Variants in DGKI observed in about 807,000 individuals in gnomAD.
The protein encoded by DGKI is DAG kinase iota.
Under a neutral mutation model 147.5 loss-of-function variants are expected in DGKI, and 55 were observed. The ratio of observed to expected loss-of-function variants is 0.37; its 90% CI spans 0.30 to 0.47. The LOEUF (loss-of-function observed/expected upper bound fraction) is 0.47, where lower values mean the gene tolerates loss of function less well. Ranked by LOEUF, DGKI falls within the 20% of genes least tolerant of loss-of-function variation. The probability of loss-of-function intolerance (pLI) is 1.00; values close to 1 mark genes in which losing one functional copy is unlikely to be tolerated. For missense variants in DGKI, 1,007 were observed against 1,323.8 expected (o/e 0.76, Z 3.71); for synonymous variants, 469 against 477.1 (o/e 0.98, Z 0.22).
rs544318956 is a variant in DGKI at position 137,824,382 on chromosome 7, G to A, written c.401+22080C>T. The stretch of plus-strand genomic sequence containing the variant: ...AAATACAAAATTAGCTGGGCATGGT[G>A]GCACATGTCTGTAATCCCAACTACT... On this transcript the variant is annotated intron_variant, in intron 1 of 32. Coordinates refer to ENST00000614521, the MANE Select transcript of DGKI (RefSeq NM_001321708.2). 1.1e-4 allele frequency among the ~76,000 whole-genome samples: 16 copies of A among 152,130 alleles called. No homozygotes were observed. The East Asian group carries it at 3.1e-3, about 29-fold the overall frequency.
rs369687506 is a variant in DGKI, at chr7:137,384,948, G to A, written c.*6272C>T. ...GTAGGACCTCCCTTGTGGTTGCCAC[G>A]CTGGTGGCAGAAGCCAAAGAGTTTT... On this transcript the variant is annotated 3_prime_UTR_variant, in exon 33 of 33. Transcript: ENST00000614521. 2.0e-5 allele frequency: 3 copies of A among 152,126 alleles called. No homozygotes were observed. Among genetic ancestry groups the A allele is most frequent in the South Asian group, 2.1e-4 (1 of 4,820 alleles). 9.4% of individuals were successfully genotyped at this position (152,126 alleles called of 1,614,324 possible). A position where few individuals can be genotyped will look rare whatever the true frequency, so the allele number is the denominator to read the frequency against.
At chr7:137,834,636 G>A (rs562731293) in intron 1 of DGKI, among the ~76,000 whole-genome samples, 1 of 152,302 alleles carries the variant, frequency 6.6e-6, no homozygotes, top group African/African-American at 2.4e-5. Flanking sequence ...GAGGGGAATG[G>A]TGAGGAGCAG....
intron 20 of DGKI, among the ~76,000 whole-genome samples, chr7:137,550,051 A>G (rs1817992603): frequency 6.6e-6 from 1 of 152,202 alleles, no homozygotes; most frequent in South Asian, 2.1e-4. Context: ...AAATTATACT[A>G]TTATTCCCAT....
At chr7:137,632,669 C>T (rs189541906) in intron 6 of DGKI, among the ~76,000 whole-genome samples, 189 of 151,678 alleles carry the variant, frequency 1.2e-3, no homozygotes, top group Middle Eastern at 6.8e-3. Context: ...CCATCCTGGC[C>T]AACATGGTGA....
At chr7:137,531,953 G>C (rs1484865495) in intron 20 of DGKI, among the ~76,000 whole-genome samples, 1 of 151,632 alleles carries the variant, frequency 6.6e-6, no homozygotes, top group Non-Finnish European at 1.5e-5. Context: ...GTGTCTATGT[G>C]TAACTTTAAA....
At chr7:137,706,636 A>T (rs2116539752) in intron 1 of DGKI, among the ~76,000 whole-genome samples, 1 of 149,386 alleles carries the variant, frequency 6.7e-6, no homozygotes, top group East Asian at 2.0e-4. Context: ...GCAATGGTGC[A>T]ATTTTGGATC....
At chr7:137,418,262 T>TA (rs1812432562) in intron 28 of DGKI, among the ~76,000 whole-genome samples, 2 of 152,152 alleles carry the variant, frequency 1.3e-5, no homozygotes, top group Non-Finnish European at 2.9e-5. Flanking sequence ...GTGGAAAAAT[T>TA]TAAAAAGCAG....
intron 26 of DGKI, 21 bp downstream of exon 26, chr7:137,465,887 G>C (rs771444146): frequency 1.7e-5 from 28 of 1,611,952 alleles, no homozygotes; most frequent in Non-Finnish European, 2.3e-5. Flanking sequence ...CAGCCTCACA[G>C]GCCAGGAGAA....
At chr7:137,618,536 C>T (rs980778947) in intron 8 of DGKI, among the ~76,000 whole-genome samples, 1 of 151,640 alleles carries the variant, frequency 6.6e-6, no homozygotes, top group Non-Finnish European at 1.5e-5. Flanking sequence ...TGCCTATTAG[C>T]CTTCCTGATA....
chr7:137,600,938 A>C (rs193230427), intron 10 of DGKI, among the ~76,000 whole-genome samples: 30 of 152,314 alleles, frequency 2.0e-4, no homozygotes, highest in African/African-American at 7.2e-4. Flanking sequence ...ACATAAGGTC[A>C]CTTTAGAGAT....
At chr7:137,672,163 G>A (rs1585353581) in intron 3 of DGKI, among the ~76,000 whole-genome samples, 1 of 152,216 alleles carries the variant, frequency 6.6e-6, no homozygotes. Flanking sequence ...CAAGCCTGCT[G>A]TAGACGCACC....
At chr7:137,844,498 T>C (rs1798653153) in intron 1 of DGKI, among the ~76,000 whole-genome samples, 1 of 152,208 alleles carries the variant, frequency 6.6e-6, no homozygotes, top group Non-Finnish European at 1.5e-5. Context: ...GTGAGCACTT[T>C]TAACCAGACA....
At chr7:137,616,182 T>G (rs1284526067) in intron 8 of DGKI, among the ~76,000 whole-genome samples, 1 of 152,166 alleles carries the variant, frequency 6.6e-6, no homozygotes, top group Admixed American at 6.5e-5. Flanking sequence ...TCAAACTATT[T>G]AATAACTATA....
At position 137,777,384 on chromosome 7, in the gene DGKI, T is replaced by C. The variant is rs558897483; in HGVS notation, c.401+69078A>G. Among the ~76,000 whole-genome samples, 4 of 152,072 alleles carry C rather than the reference T, an allele frequency of 2.6e-5. No individual in the cohort carries two copies. The East Asian group carries it at 7.7e-4, about 29-fold the overall frequency. On this transcript the variant is annotated intron_variant, in intron 1 of 32. Coordinates refer to ENST00000614521, the MANE Select transcript of DGKI (RefSeq NM_001321708.2). ...CCATAAAAAGTATGCAATGCCTATA[T>C]GATTATGTAGCAGTCAAAAAAGAAA... is the stretch of plus-strand genomic sequence containing the variant.
At chr7:137,654,137 GA>G (rs1285743080) in intron 5 of DGKI, among the ~76,000 whole-genome samples, 3 of 152,076 alleles carry the variant, frequency 2.0e-5, no homozygotes, top group Non-Finnish European at 2.9e-5. Flanking sequence ...TTATCTTCAC[GA>G]CCAGACTGGA....
intron 1 of DGKI, among the ~76,000 whole-genome samples, chr7:137,825,080 T>A (rs143450026): frequency 6.6e-6 from 1 of 152,342 alleles, no homozygotes; most frequent in African/African-American, 2.4e-5. Flanking sequence ...TGCCCAGTAA[T>A]GGGATTGCTG....
intron 1 of DGKI, among the ~76,000 whole-genome samples, chr7:137,834,368 T>C (rs1307390746): frequency 1.3e-5 from 2 of 152,214 alleles, no homozygotes; most frequent in Admixed American, 6.5e-5. Flanking sequence ...TAAAAGTGCA[T>C]GATGAAACAT....
At chr7:137,396,737 A>T (rs901994406) in intron 31 of DGKI, among the ~76,000 whole-genome samples, 5 of 152,196 alleles carry the variant, frequency 3.3e-5, no homozygotes, top group Admixed American at 2.6e-4. Flanking sequence ...GGCTTTCAGG[A>T]TTAGTTGTAC....
chr7:137,795,691 G>T (rs1797002854), intron 1 of DGKI, among the ~76,000 whole-genome samples: 2 of 152,198 alleles, frequency 1.3e-5, no homozygotes, highest in South Asian at 4.1e-4. Flanking sequence ...TCCCAGGAAG[G>T]ATCTGAGAAG....
Sources: allele counts gnomAD v4.1 joint callset (sites outside exome capture counted in the v4.1 genomes callset), GRCh38; gene constraint gnomAD v4.1.1; transcripts MANE v1.5; gene names NCBI Gene and HGNC (gene_info 2026-07-23, HGNC 2026-07-21).